Variants in DSCAML1 observed in about 807,000 individuals in gnomAD.
DSCAML1 encodes the protein DS cell adhesion molecule like 1.
A neutral mutation model predicts 200.5 loss-of-function variants in DSCAML1; 38 were observed. The observed-to-expected ratio is 0.19, with a 90% CI of 0.15 to 0.25. The LOEUF (loss-of-function observed/expected upper bound fraction) is 0.25. DSCAML1 is among the 10% of genes least tolerant of loss of function. The pLI, the probability that DSCAML1 is intolerant of heterozygous loss-of-function variation, is 1.00. For missense variants in DSCAML1, 2,223 were observed against 2,858.8 expected, an observed-to-expected ratio of 0.78 and a Z score of 5.07; for synonymous variants, 1,215 against 1,165.0, an observed-to-expected ratio of 1.04 and a Z score of -0.87.
chr11:117,561,145 G>GA (rs2050655177), intron 3 of DSCAML1, among the ~76,000 whole-genome samples: 1 of 152,210 alleles, frequency 6.6e-6, no homozygotes, highest in Admixed American at 6.5e-5. Flanking sequence ...TGGAGCACCT[G>GA]GTGAGGAAGG....
At chr11:117,706,873 A>G (rs1487717394) in intron 3 of DSCAML1, among the ~76,000 whole-genome samples, 3 of 152,238 alleles carry the variant, frequency 2.0e-5, no homozygotes, top group Non-Finnish European at 4.4e-5. Flanking sequence ...ACAGGTTAAC[A>G]GCCCTGGCTT....
At chr11:117,602,769 C>T (rs545455823) in intron 3 of DSCAML1, among the ~76,000 whole-genome samples, 1 of 152,120 alleles carries the variant, frequency 6.6e-6, no homozygotes, top group African/African-American at 2.4e-5. Flanking sequence ...TTGAATCACT[C>T]ACAGTCTAGT....
chr11:117,807,947 G>A (rs1034210624), intron 1 of DSCAML1, among the ~76,000 whole-genome samples: 2 of 152,058 alleles, frequency 1.3e-5, no homozygotes, highest in Non-Finnish European at 2.9e-5. Flanking sequence ...TCAGCCTCCC[G>A]AGTAGCTGGG....
chr11:117,786,527 A>T (rs1036621274), intron 1 of DSCAML1, among the ~76,000 whole-genome samples: 18 of 152,082 alleles, frequency 1.2e-4, no homozygotes, highest in Admixed American at 1.2e-3. Context: ...CATCAGGATT[A>T]GTTTTGCAAA....
chr11:117,589,007 G>A (rs920184256), intron 3 of DSCAML1, among the ~76,000 whole-genome samples: 1 of 152,218 alleles, frequency 6.6e-6, no homozygotes, highest in Non-Finnish European at 1.5e-5. Flanking sequence ...AGGGGGAGAG[G>A]CTGCTACAAA....
intron 3 of DSCAML1, among the ~76,000 whole-genome samples, chr11:117,706,495 G>A (rs559218815): frequency 1.3e-5 from 2 of 152,302 alleles, no homozygotes; most frequent in Non-Finnish European, 2.9e-5. Flanking sequence ...AGAAGGAAGA[G>A]GTGTAAATGG....
chr11:117,553,263 CAAAAG>C (rs780749547), intron 3 of DSCAML1, among the ~76,000 whole-genome samples: 7 of 152,122 alleles, frequency 4.6e-5, no homozygotes, highest in African/African-American at 1.7e-4. Flanking sequence ...GCACAGCTAA[CAAAAG>C]AAAACAATAG....
At chr11:117,571,472 G>A (rs1478733010) in intron 3 of DSCAML1, among the ~76,000 whole-genome samples, 2 of 152,176 alleles carry the variant, frequency 1.3e-5, no homozygotes, top group African/African-American at 4.8e-5. Flanking sequence ...CTCTGATCTG[G>A]TCTCTCTGGC....
At chr11:117,631,566 G>A (rs535949196) in intron 3 of DSCAML1, among the ~76,000 whole-genome samples, 17 of 152,344 alleles carry the variant, frequency 1.1e-4, no homozygotes, top group African/African-American at 3.1e-4. Flanking sequence ...AGTGTCTTCA[G>A]GGACAGTTAC....
intron 3 of DSCAML1, among the ~76,000 whole-genome samples, chr11:117,560,399 C>T (rs1180158672): frequency 2.6e-5 from 4 of 152,198 alleles, no homozygotes; most frequent in African/African-American, 9.7e-5. Context: ...GTCATATCCT[C>T]ATTGTATTTT....
intron 3 of DSCAML1, among the ~76,000 whole-genome samples, chr11:117,664,372 G>C (rs1345292624): frequency 6.6e-6 from 1 of 152,180 alleles, no homozygotes; most frequent in Non-Finnish European, 1.5e-5. Flanking sequence ...AATTGCAGTG[G>C]GATAGAGAGG....
intron 11 of DSCAML1, among the ~76,000 whole-genome samples, chr11:117,487,745 A>C (rs2049105147): frequency 6.6e-6 from 1 of 152,214 alleles, no homozygotes. Context: ...AAGCATGCTG[A>C]GAACTGGGAA....
At chr11:117,442,321 AT>A (rs1206157292) in intron 21 of DSCAML1, among the ~76,000 whole-genome samples, 1 of 137,482 alleles carries the variant, frequency 7.3e-6, no homozygotes, top group African/African-American at 2.9e-5. Context: ...GTATGCATGT[AT>A]TAGTGTGTAT....
At chr11:117,791,786 G>A (rs1379457504) in intron 1 of DSCAML1, among the ~76,000 whole-genome samples, 1 of 152,246 alleles carries the variant, frequency 6.6e-6, no homozygotes, top group African/African-American at 2.4e-5. Context: ...ACTGCTTAGG[G>A]AAGGATCTGA....
At chr11:117,428,835 G>T in intron 32 of DSCAML1, 32 bp from the exon 33 acceptor site, 1 of 1,544,176 alleles carries the variant, frequency 6.5e-7, no homozygotes. Context: ...ATGTTACAGA[G>T]AGTCATAGCC....
chr11:117,611,401 A>G (rs1376018365), intron 3 of DSCAML1: 1 of 152,168 alleles, frequency 6.6e-6, no homozygotes, highest in African/African-American at 2.4e-5. Flanking sequence ...GTCATCTGAT[A>G]AATATCTGTC....
intron 8 of DSCAML1, among the ~76,000 whole-genome samples, chr11:117,507,140 C>T (rs985772453): frequency 6.6e-6 from 1 of 152,236 alleles, no homozygotes; most frequent in Non-Finnish European, 1.5e-5. Context: ...GCTGCAGCGA[C>T]TTCCCCAGCA....
chr11:117,811,984 T>C (rs1222159492), intron 1 of DSCAML1, among the ~76,000 whole-genome samples: 5 of 152,110 alleles, frequency 3.3e-5, no homozygotes, highest in Non-Finnish European at 5.9e-5. Context: ...TAGACAACAC[T>C]CTTTTATGCA....
chr11:117,540,629 G>C (rs941564913), intron 3 of DSCAML1, among the ~76,000 whole-genome samples: 1 of 151,782 alleles, frequency 6.6e-6, no homozygotes, highest in African/African-American at 2.4e-5. Context: ...GTGATAGGTG[G>C]GATTTGAACA....
Sources: gnomAD v4.1 joint callset for allele counts (sites outside exome capture counted in the v4.1 genomes callset) on GRCh38, gnomAD v4.1.1 for gene constraint, MANE v1.5 for transcripts, NCBI Gene and HGNC (gene_info 2026-07-23, HGNC 2026-07-21) for gene names.